The following NCKAP1 variants were observed in gnomAD, a reference collection of about 807,000 sequenced individuals.
NCKAP1 encodes nck-associated protein 1.
NCKAP1 carries 21 observed loss-of-function variants against 151.2 expected under a neutral mutation model. The ratio of observed to expected loss-of-function variants is 0.14; its 90% CI spans 0.10 to 0.20. The LOEUF (loss-of-function observed/expected upper bound fraction) is 0.20, where lower values mean the gene tolerates loss of function less well. Among genes scored for constraint, NCKAP1 ranks in the 10% least tolerant of loss-of-function variants. The pLI, the probability that NCKAP1 is intolerant of heterozygous loss-of-function variation, is 1.00. For synonymous variants in NCKAP1, 484 were observed against 451.8 expected, an observed-to-expected ratio of 1.07 and a Z score of -0.90; for missense variants, 933 against 1,352.1, an observed-to-expected ratio of 0.69 and a Z score of 4.86.
chr2:182,947,366 C>G (rs559875546), intron 23 of NCKAP1, among the ~76,000 whole-genome samples: 1 of 152,276 alleles, frequency 6.6e-6, no homozygotes, highest in East Asian at 1.9e-4. Flanking sequence ...TTCCCATGCC[C>G]TACTTTGAGA....
At chr2:183,012,793 T>G (rs1698613807) in intron 2 of NCKAP1, among the ~76,000 whole-genome samples, 1 of 150,934 alleles carries the variant, frequency 6.6e-6, no homozygotes, top group Admixed American at 6.6e-5. Flanking sequence ...TTTTTTTTTT[T>G]TTGTATTCTT....
chr2:182,975,659 C>G (rs1023549236), intron 15 of NCKAP1, among the ~76,000 whole-genome samples: 1 of 152,156 alleles, frequency 6.6e-6, no homozygotes, highest in African/African-American at 2.4e-5. Context: ...GTAATCCCAG[C>G]ACTTTGGGAG....
chr2:182,987,896 G>A (rs1016292598), intron 9 of NCKAP1, among the ~76,000 whole-genome samples: 1 of 152,096 alleles, frequency 6.6e-6, no homozygotes, highest in Non-Finnish European at 1.5e-5. Context: ...GGGGAGTGGG[G>A]ACTAGGCATG....
At chr2:183,030,631 G>T (rs955636208) in intron 1 of NCKAP1, among the ~76,000 whole-genome samples, 1 of 152,062 alleles carries the variant, frequency 6.6e-6, no homozygotes, top group Admixed American at 6.6e-5. Flanking sequence ...TAATAACCAA[G>T]AAACACCACA....
intron 11 of NCKAP1, 24 bp from the exon 12 acceptor site, chr2:182,982,951 T>C (rs774002273): frequency 1.3e-6 from 2 of 1,519,710 alleles, no homozygotes; most frequent in African/African-American, 2.8e-5. Flanking sequence ...AGTAAGTGTT[T>C]ATTCTTATTC....
chr2:183,012,758 C>A (rs543581353), intron 2 of NCKAP1, among the ~76,000 whole-genome samples: 1 of 150,726 alleles, frequency 6.6e-6, no homozygotes, highest in South Asian at 2.1e-4. Flanking sequence ...GGAAAACATG[C>A]GCACGCCACC....
intron 2 of NCKAP1, 25 bp from the exon 3 acceptor site, chr2:183,003,350 T>C (rs1000675938): frequency 9.5e-6 from 13 of 1,362,066 alleles, no homozygotes; most frequent in South Asian, 1.3e-5. Flanking sequence ...TTAGAATGCA[T>C]TGCTCATAGA....
intron 2 of NCKAP1, among the ~76,000 whole-genome samples, chr2:183,012,319 G>C (rs1698604234): frequency 6.6e-6 from 1 of 152,170 alleles, no homozygotes; most frequent in African/African-American, 2.4e-5. Flanking sequence ...CTCTGAGTAG[G>C]TACCCATGAA....
At position 183,038,287 on chromosome 2, in the gene NCKAP1, G is replaced by A. The variant is rs1699148417; in HGVS notation, c.-188C>T. The A allele has an allele frequency of 2.5e-6, 1 of 405,682 alleles. No homozygotes were observed. The highest frequency in any genetic ancestry group is 4.7e-5 in the Admixed American group (1 of 21,472). 25.1% of individuals were successfully genotyped at this position (405,682 alleles called of 1,614,324 possible). A position where few individuals can be genotyped will look rare whatever the true frequency, so the allele number is the denominator to read the frequency against. On this transcript the variant is annotated 5_prime_UTR_variant, in exon 1 of 31. Coordinates refer to ENST00000361354, the MANE Select transcript of NCKAP1 (RefSeq NM_013436.5). ...AGCGAGCCGCGGCGGACTCCTCGGA[G>A]CCCCTTCTCCCGCAGCAGCCCGCGC...
chr2:182,992,371 C>T (rs1325899447), intron 8 of NCKAP1, among the ~76,000 whole-genome samples: 2 of 152,166 alleles, frequency 1.3e-5, no homozygotes, highest in South Asian at 2.1e-4. Context: ...CCCATATATT[C>T]CCCATTAGGG....
intron 1 of NCKAP1, among the ~76,000 whole-genome samples, chr2:183,036,930 A>G (rs1216382390): frequency 1.3e-5 from 2 of 152,230 alleles, no homozygotes; most frequent in Non-Finnish European, 2.9e-5. Context: ...ATAGTTATGA[A>G]GGTATGACAT....
intron 2 of NCKAP1, among the ~76,000 whole-genome samples, chr2:183,009,568 T>C (rs1473587639): frequency 1.3e-5 from 2 of 152,192 alleles, no homozygotes; most frequent in Non-Finnish European, 2.9e-5. Context: ...GTGTTTAAGA[T>C]GTATACTAAA....
At chr2:182,978,976 A>G (rs1697882112) in intron 13 of NCKAP1, 61 bp from the exon 14 acceptor site, 2 of 1,123,830 alleles carry the variant, frequency 1.8e-6, no homozygotes, top group Non-Finnish European at 2.7e-6. Context: ...ACTCAGGTCT[A>G]TCAATTAGTG....
intron 27 of NCKAP1, among the ~76,000 whole-genome samples, chr2:182,929,850 A>G (rs1019783527): frequency 6.6e-6 from 1 of 151,860 alleles, no homozygotes; most frequent in Non-Finnish European, 1.5e-5. Context: ...AAGAGATGAA[A>G]TGCTATATTT....
chr2:183,024,934 A>AAAGCGGGC (rs1216446078), intron 1 of NCKAP1: 3 of 1,608,020 alleles, frequency 1.9e-6, no homozygotes, highest in Admixed American at 1.7e-5. Flanking sequence ...AACTGATCTG[A>AAAGCGGGC]AAGCGGGCAA....
Position 182,918,255 on chromosome 2 carries a change from G to C in NCKAP1, c.*7447C>G, listed in dbSNP as rs1234825158. 6.6e-6 allele frequency: 1 copy of C among 152,098 alleles called. No homozygotes were observed. The highest frequency in any genetic ancestry group is 1.5e-5 in the Non-Finnish European group (1 of 68,000). The allele number at this position is 152,098 out of a possible 1,614,324, so 9.4% of individuals were successfully genotyped here. A position where few individuals can be genotyped will look rare whatever the true frequency, so the allele number is the denominator to read the frequency against. Reference sequence around the variant, plus strand: ...GAGTAGCATAATGTAAGCCCTCATTGTTATTTTTTTTGTCCCTCATTGTTA... The same window carrying C: ...GAGTAGCATAATGTAAGCCCTCATTCTTATTTTTTTTGTCCCTCATTGTTA... On this transcript the variant is annotated 3_prime_UTR_variant, in exon 31 of 31. Coordinates refer to ENST00000361354, the MANE Select transcript of NCKAP1 (RefSeq NM_013436.5).
At chr2:182,958,682 G>A (rs1386182684) in intron 18 of NCKAP1, among the ~76,000 whole-genome samples, 1 of 152,046 alleles carries the variant, frequency 6.6e-6, no homozygotes, top group Admixed American at 6.5e-5. Flanking sequence ...TGACACAGAG[G>A]TTTCTACCTA....
At chr2:182,984,441 T>C (rs1352384032) in intron 10 of NCKAP1, among the ~76,000 whole-genome samples, 2 of 152,040 alleles carry the variant, frequency 1.3e-5, no homozygotes, top group Non-Finnish European at 2.9e-5. Flanking sequence ...TGTGTGTGTG[T>C]GTGTGTGTGT....
intron 16 of NCKAP1, among the ~76,000 whole-genome samples, chr2:182,966,592 C>G (rs1377439527): frequency 1.3e-5 from 2 of 152,136 alleles, no homozygotes; most frequent in African/African-American, 4.8e-5. Flanking sequence ...GGCCACCACA[C>G]TGTTTATCAA....
Sources: gnomAD v4.1 joint callset for allele counts (sites outside exome capture counted in the v4.1 genomes callset) on GRCh38, gnomAD v4.1.1 for gene constraint, MANE v1.5 for transcripts, NCBI Gene and HGNC (gene_info 2026-07-23, HGNC 2026-07-21) for gene names.